Variants in TMTC2 observed in about 807,000 individuals in gnomAD.
TMTC2 encodes protein O-mannosyl-transferase TMTC2.
In TMTC2, 43 loss-of-function variants were observed where a neutral mutation model predicts 82.4. The observed-to-expected ratio is 0.52, with a 90% CI of 0.41 to 0.67. The LOEUF is 0.67. TMTC2 is among the 30% of genes least tolerant of loss of function. The probability of loss-of-function intolerance (pLI) is 0.00; values close to 1 mark genes in which losing one functional copy is unlikely to be tolerated. For synonymous variants in TMTC2, 408 were observed against 381.9 expected (o/e 1.07, Z -0.80); for missense variants, 919 against 1,012.4 (o/e 0.91, Z 1.25).
intron 1 of TMTC2, among the ~76,000 whole-genome samples, chr12:82,766,534 A>G (rs948020630): frequency 6.6e-6 from 1 of 152,184 alleles, no homozygotes; most frequent in Admixed American, 6.5e-5. Flanking sequence ...TCTTAGAGGA[A>G]TCACAATTAA....
intron 1 of TMTC2, among the ~76,000 whole-genome samples, chr12:82,821,744 C>T (rs1869126061): frequency 6.6e-6 from 1 of 151,944 alleles, no homozygotes; most frequent in South Asian, 2.1e-4. Context: ...CACGGTAACA[C>T]GTGCCTGTAA....
At chr12:82,773,354 A>G (rs576429928) in intron 1 of TMTC2, among the ~76,000 whole-genome samples, 34 of 152,274 alleles carry the variant, frequency 2.2e-4, no homozygotes, top group Non-Finnish European at 4.6e-4. Flanking sequence ...TAAATAATTA[A>G]TATTACTCAG....
intron 1 of TMTC2, among the ~76,000 whole-genome samples, chr12:82,752,750 T>C (rs1876085589): frequency 6.6e-6 from 1 of 151,862 alleles, no homozygotes; most frequent in Non-Finnish European, 1.5e-5. Flanking sequence ...ATGTGTGCTG[T>C]ATTTGGGGTT....
At chr12:83,107,662 G>GA (rs1250228002) in intron 11 of TMTC2, among the ~76,000 whole-genome samples, 2 of 152,042 alleles carry the variant, frequency 1.3e-5, no homozygotes, top group African/African-American at 2.4e-5. Flanking sequence ...ACATGGATAA[G>GA]AAAAAATCAT....
intron 8 of TMTC2, among the ~76,000 whole-genome samples, chr12:83,012,506 CAACATGTTTACATGTAAA>C (rs1330356133): frequency 1.3e-5 from 2 of 152,076 alleles, no homozygotes; most frequent in Non-Finnish European, 2.9e-5. Flanking sequence ...AGTTGGATAA[CAACATGTTTACATGTAAA>C]ATAATTTCTT....
At chr12:82,864,396 C>A (rs907192593) in intron 2 of TMTC2, among the ~76,000 whole-genome samples, 6 of 151,712 alleles carry the variant, frequency 4.0e-5, no homozygotes, top group Non-Finnish European at 7.4e-5. Flanking sequence ...CCATCTGTCT[C>A]CTAAATCTGA....
At chr12:82,907,427 C>T (rs1054623793) in intron 3 of TMTC2, among the ~76,000 whole-genome samples, 4 of 151,420 alleles carry the variant, frequency 2.6e-5, no homozygotes, top group African/African-American at 7.3e-5. Context: ...TGTGCCACTG[C>T]ACTCCAGCCT....
intron 3 of TMTC2, among the ~76,000 whole-genome samples, chr12:82,907,306 A>T (rs1874374252): frequency 6.6e-6 from 1 of 151,892 alleles, no homozygotes; most frequent in African/African-American, 2.4e-5. Context: ...TACTAAAAAT[A>T]CAAAAAATTA....
chr12:82,828,851 G>A (rs1213860677), intron 1 of TMTC2, among the ~76,000 whole-genome samples: 2 of 151,992 alleles, frequency 1.3e-5, no homozygotes, highest in East Asian at 1.9e-4. Flanking sequence ...ATTTTCAGGG[G>A]CAATAACTTG....
intron 8 of TMTC2, among the ~76,000 whole-genome samples, chr12:83,025,867 C>T (rs1309333934): frequency 3.3e-5 from 5 of 152,162 alleles, no homozygotes; most frequent in East Asian, 1.9e-4. Flanking sequence ...TAAAGAGATA[C>T]ACTTGGGGAG....
chr12:82,707,909 T>G (rs1215821247), intron 1 of TMTC2, among the ~76,000 whole-genome samples: 1 of 152,228 alleles, frequency 6.6e-6, no homozygotes, highest in East Asian at 1.9e-4. Context: ...TTTGAAATCA[T>G]GTAGGCCCAC....
intron 3 of TMTC2, among the ~76,000 whole-genome samples, chr12:82,900,912 A>T: frequency 8.7e-6 from 1 of 115,350 alleles, no homozygotes; most frequent in South Asian, 2.8e-4. Context: ...ATAGGAATAT[A>T]TATATATCTG....
At chr12:82,963,518 T>C (rs1878035112) in intron 4 of TMTC2, among the ~76,000 whole-genome samples, 1 of 151,614 alleles carries the variant, frequency 6.6e-6, no homozygotes, top group Non-Finnish European at 1.5e-5. Flanking sequence ...TTTAAGGTTG[T>C]AGAAAAGTTT....
intron 7 of TMTC2, among the ~76,000 whole-genome samples, chr12:82,971,601 G>A (rs1012652877): frequency 8.6e-5 from 13 of 151,954 alleles, no homozygotes; most frequent in Non-Finnish European, 1.5e-4. Flanking sequence ...GTCGTTTTAC[G>A]CCTATTTACT....
chr12:83,131,496 A>G (rs1018255328), intron 11 of TMTC2, among the ~76,000 whole-genome samples: 1 of 152,188 alleles, frequency 6.6e-6, no homozygotes, highest in African/African-American at 2.4e-5. Context: ...CTACTTTTTA[A>G]TAAGTAATAT....
At chr12:83,052,013 C>T (rs1177371131) in intron 10 of TMTC2, among the ~76,000 whole-genome samples, 1 of 152,020 alleles carries the variant, frequency 6.6e-6, no homozygotes, top group African/African-American at 2.4e-5. Flanking sequence ...ACATGTAACT[C>T]CTCCCATATT....
At chr12:82,891,426 A>G (rs1398201299) in intron 2 of TMTC2, among the ~76,000 whole-genome samples, 1 of 152,120 alleles carries the variant, frequency 6.6e-6, no homozygotes, top group Non-Finnish European at 1.5e-5. Flanking sequence ...CTGCTGCCTC[A>G]GCCTTCTGAG....
intron 1 of TMTC2, among the ~76,000 whole-genome samples, chr12:82,757,265 T>G (rs1296178458): frequency 6.6e-6 from 1 of 152,222 alleles, no homozygotes. Flanking sequence ...TGTTATTTGT[T>G]GTGCTATGTT....
intron 8 of TMTC2, among the ~76,000 whole-genome samples, chr12:83,022,273 G>A (rs1880966253): frequency 6.6e-6 from 1 of 151,876 alleles, no homozygotes; most frequent in Non-Finnish European, 1.5e-5. Context: ...CTCCAAACAT[G>A]TCAGATCTTT....
Sources: allele counts gnomAD v4.1 joint callset (sites outside exome capture counted in the v4.1 genomes callset), GRCh38; gene constraint gnomAD v4.1.1; transcripts MANE v1.5; gene names NCBI Gene and HGNC (gene_info 2026-07-23, HGNC 2026-07-21).